Variants in ENTREP2 observed in about 807,000 individuals in gnomAD.
ENTREP2 encodes endosomal transmembrane epsin interactor 2.
At chr15:29,665,981 G>A in the ENTREP2 span, among the ~76,000 whole-genome samples, 1 of 151,174 alleles carries the variant, frequency 6.6e-6, no homozygotes, top group Admixed American at 6.6e-5. Flanking sequence ...AGCCTCCTGA[G>A]TAGCTGGGAT....
At chr15:29,654,399 CAATT>C in the ENTREP2 span, among the ~76,000 whole-genome samples, 1 of 152,182 alleles carries the variant, frequency 6.6e-6, no homozygotes, top group African/African-American at 2.4e-5. Flanking sequence ...ATATATTAAA[CAATT>C]AACATTCATT....
At chr15:29,324,863 A>C in the ENTREP2 span, among the ~76,000 whole-genome samples, 1 of 152,216 alleles carries the variant, frequency 6.6e-6, no homozygotes. Context: ...ACATCTATAG[A>C]CTACATCCAA....
At chr15:29,232,836 A>G in the ENTREP2 span, among the ~76,000 whole-genome samples, 26 of 152,214 alleles carry the variant, frequency 1.7e-4, no homozygotes, top group African/African-American at 6.3e-4. Flanking sequence ...AGAGGAAGTG[A>G]ATATCATGTT....
chr15:29,242,871 A>T, the ENTREP2 span, among the ~76,000 whole-genome samples: 1 of 152,236 alleles, frequency 6.6e-6, no homozygotes, highest in Non-Finnish European at 1.5e-5. Context: ...GAGGTCCAGA[A>T]GGAGCCACCT....
the ENTREP2 span, among the ~76,000 whole-genome samples, chr15:29,608,846 C>A: frequency 6.6e-6 from 1 of 151,882 alleles, no homozygotes; most frequent in Non-Finnish European, 1.5e-5. Context: ...GGATTACAGG[C>A]TTGAGCCACC....
At chr15:29,234,661 A>G in the ENTREP2 span, 14 of 1,566,090 alleles carry the variant, frequency 8.9e-6, no homozygotes, top group Middle Eastern at 1.9e-4. Flanking sequence ...CTTCACCACA[A>G]GAGAGAAAAG....
At chr15:29,438,357 G>A in the ENTREP2 span, among the ~76,000 whole-genome samples, 1 of 152,316 alleles carries the variant, frequency 6.6e-6, no homozygotes, top group Non-Finnish European at 1.5e-5. Flanking sequence ...GCTAACTGAC[G>A]TGTGCAAAAC....
chr15:29,403,254 T>C, the ENTREP2 span, among the ~76,000 whole-genome samples: 2 of 152,126 alleles, frequency 1.3e-5, no homozygotes, highest in African/African-American at 4.8e-5. Context: ...GCTACAAGAA[T>C]AAATTCCAAC....
the ENTREP2 span, among the ~76,000 whole-genome samples, chr15:29,119,287 A>C: frequency 1.9e-5 from 1 of 52,816 alleles, no homozygotes; most frequent in African/African-American, 3.7e-5. Flanking sequence ...TGATGAGTTC[A>C]TGTCCTTTGT....
the ENTREP2 span, among the ~76,000 whole-genome samples, chr15:29,554,310 G>T: frequency 4.3e-5 from 6 of 138,784 alleles, no homozygotes; most frequent in African/African-American, 5.4e-5. Flanking sequence ...GCGAGACTCC[G>T]TCTCAAAAAA....
At chr15:29,518,570 C>T in the ENTREP2 span, among the ~76,000 whole-genome samples, 2 of 152,110 alleles carry the variant, frequency 1.3e-5, no homozygotes, top group Admixed American at 6.5e-5. Flanking sequence ...CTTCTGGACC[C>T]GCAACCCAGA....
chr15:29,629,189 T>G, the ENTREP2 span, among the ~76,000 whole-genome samples: 2 of 152,210 alleles, frequency 1.3e-5, no homozygotes, highest in Non-Finnish European at 2.9e-5. Flanking sequence ...GTCATTATAG[T>G]GAGTTTCTTA....
chr15:29,297,243 AAAAT>A, the ENTREP2 span, among the ~76,000 whole-genome samples: 49 of 152,190 alleles, frequency 3.2e-4, no homozygotes, highest in Non-Finnish European at 1.0e-4. Context: ...TCAGACAACC[AAAAT>A]GACCAAAGAG....
chr15:29,188,779 G>A, the ENTREP2 span, among the ~76,000 whole-genome samples: 1 of 152,172 alleles, frequency 6.6e-6, no homozygotes. Flanking sequence ...CGAGCTTGGG[G>A]CTTTCAGCCC....
the ENTREP2 span, among the ~76,000 whole-genome samples, chr15:29,650,040 AG>A: frequency 3.3e-5 from 5 of 152,214 alleles, no homozygotes; most frequent in Admixed American, 2.0e-4. Context: ...TATATCCCAG[AG>A]GACTTTTAAA....
the ENTREP2 span, among the ~76,000 whole-genome samples, chr15:29,530,128 C>T: frequency 6.6e-6 from 1 of 152,066 alleles, no homozygotes; most frequent in Non-Finnish European, 1.5e-5. Flanking sequence ...ACGGAAGGCG[C>T]CTAGGTGGGG....
the ENTREP2 span, among the ~76,000 whole-genome samples, chr15:29,354,347 TC>T: frequency 6.6e-6 from 1 of 152,142 alleles, no homozygotes; most frequent in African/African-American, 2.4e-5. Flanking sequence ...TTGTGGGACT[TC>T]TTGGCCTTCA....
chr15:29,652,242 G>T, the ENTREP2 span, among the ~76,000 whole-genome samples: 9 of 152,170 alleles, frequency 5.9e-5, no homozygotes, highest in Admixed American at 1.3e-4. Context: ...CCAGCAGAGA[G>T]GGGCCACCCA....
the ENTREP2 span, among the ~76,000 whole-genome samples, chr15:29,231,894 C>CTTT: frequency 1.0e-4 from 14 of 134,700 alleles, 1 homozygote; most frequent in East Asian, 3.3e-3. Flanking sequence ...TCTTTTCTTT[C>CTTT]TTTTTTTTTT....
Sources: gnomAD v4.1 joint callset for allele counts (sites outside exome capture counted in the v4.1 genomes callset) on GRCh38, gnomAD v4.1.1 for gene constraint, MANE v1.5 for transcripts, NCBI Gene and HGNC (gene_info 2026-07-23, HGNC 2026-07-21) for gene names.